SHQ1: variants seen among roughly 807,000 people sequenced by gnomAD.
SHQ1 encodes the protein protein SHQ1 homolog.
Under a neutral mutation model 53.8 loss-of-function variants are expected in SHQ1, and 49 were observed. That is an observed-to-expected ratio of 0.91 (90% CI 0.72 to 1.16). SHQ1 has a LOEUF of 1.16. Among genes scored for constraint, SHQ1 ranks in the 50% most tolerant of loss-of-function variants. The pLI is 0.00. For synonymous variants in SHQ1, 243 were observed against 251.0 expected (o/e 0.97, Z 0.30); for missense variants, 738 against 683.1 (o/e 1.08, Z -0.90).
intron 9 of SHQ1, among the ~76,000 whole-genome samples, chr3:72,811,453 A>C (rs1021991681): frequency 2.6e-5 from 4 of 152,248 alleles, no homozygotes; most frequent in African/African-American, 9.6e-5. Context: ...GAAATAACAC[A>C]TGAAAAAACA....
At chr3:72,758,337 C>G (rs907778607) in intron 10 of SHQ1, among the ~76,000 whole-genome samples, 2 of 152,152 alleles carry the variant, frequency 1.3e-5, no homozygotes, top group Admixed American at 6.5e-5. Flanking sequence ...TAAACCATAT[C>G]TAGTTTGGGC....
chr3:72,737,655 T>C, the SHQ1 span, among the ~76,000 whole-genome samples: 9 of 152,328 alleles, frequency 5.9e-5, no homozygotes, highest in African/African-American at 2.2e-4. Flanking sequence ...TTACTTATAA[T>C]ACCTAATACA....
At chr3:72,829,663 G>A (rs1707768854) in intron 5 of SHQ1, among the ~76,000 whole-genome samples, 2 of 152,086 alleles carry the variant, frequency 1.3e-5, no homozygotes, top group Non-Finnish European at 2.9e-5. Flanking sequence ...ATAAACCCAA[G>A]AACTTAATTA....
At chr3:72,729,914 G>A in the SHQ1 span, among the ~76,000 whole-genome samples, 2 of 152,170 alleles carry the variant, frequency 1.3e-5, no homozygotes, top group South Asian at 4.1e-4. Context: ...GCCCCCCGGG[G>A]TTCACGCCAT....
chr3:72,762,611 C>A (rs189501391), intron 10 of SHQ1, among the ~76,000 whole-genome samples: 9 of 152,334 alleles, frequency 5.9e-5, no homozygotes, highest in African/African-American at 2.2e-4. Flanking sequence ...TCCATACGGG[C>A]TGCTGGTGAA....
intron 10 of SHQ1, among the ~76,000 whole-genome samples, chr3:72,787,901 A>G (rs1706289978): frequency 6.6e-6 from 1 of 152,186 alleles, no homozygotes; most frequent in South Asian, 2.1e-4. Context: ...TTTTTGGTGC[A>G]GACGGGGTTT....
intron 1 of SHQ1, among the ~76,000 whole-genome samples, chr3:72,845,187 AGAAAT>A (rs1275370214): frequency 6.6e-6 from 1 of 152,202 alleles, no homozygotes; most frequent in Non-Finnish European, 1.5e-5. Flanking sequence ...TTGTACTAAA[AGAAAT>A]GAAGTGATTG....
chr3:72,752,383 C>T (rs1002985831), intron 10 of SHQ1, among the ~76,000 whole-genome samples: 4 of 152,066 alleles, frequency 2.6e-5, no homozygotes, highest in East Asian at 1.9e-4. Context: ...AGGATGATGG[C>T]GTGACGGAGC....
chr3:72,751,535 T>TATATATATATATATATATATATATAC (rs1444853961), intron 10 of SHQ1, among the ~76,000 whole-genome samples: 7 of 139,916 alleles, frequency 5.0e-5, no homozygotes, highest in African/African-American at 2.1e-4. Context: ...TATATACATA[T>TATATATATATATATATATATATATAC]ACATACACTA....
At chr3:72,846,298 CTTTTTTTTT>C in intron 1 of SHQ1, 1 of 1,423,734 alleles carries the variant, frequency 7.0e-7, no homozygotes, top group South Asian at 1.4e-5. Context: ...ACTGTATGTT[CTTTTTTTTT>C]TTTTTTTTAG....
chr3:72,816,161 T>A (rs993488407), intron 7 of SHQ1, among the ~76,000 whole-genome samples: 1 of 152,020 alleles, frequency 6.6e-6, no homozygotes, highest in African/African-American at 2.4e-5. Flanking sequence ...ACAAAAAAAA[T>A]TGGTACATAG....
rs781338053 is a variant in SHQ1, at chr3:72,841,212, A to C, written c.332-13T>G. On this transcript the variant is annotated splice_polypyrimidine_tract_variant and intron_variant, in intron 3 of 10. Transcript: ENST00000325599. ...ATCTCAGAAGCACCTGAATGTGTTAAATTTTAATTTTTTTTAAGTATTGGA... is the reference window on the plus strand; with the variant it reads ...ATCTCAGAAGCACCTGAATGTGTTACATTTTAATTTTTTTTAAGTATTGGA... 4 of 1,593,932 alleles carry C rather than the reference A, an allele frequency of 2.5e-6. No individual in the cohort carries two copies. Among genetic ancestry groups the C allele is most frequent in the Non-Finnish European group, 3.4e-6 (4 of 1,173,510 alleles).
At chr3:72,803,160 C>T (rs895417866) in intron 9 of SHQ1, among the ~76,000 whole-genome samples, 1 of 152,218 alleles carries the variant, frequency 6.6e-6, no homozygotes, top group Non-Finnish European at 1.5e-5. Context: ...CCTGGGCTCT[C>T]AGACATGCTA....
intron 10 of SHQ1, among the ~76,000 whole-genome samples, chr3:72,757,099 A>G (rs1705512936): frequency 6.6e-6 from 1 of 152,210 alleles, no homozygotes; most frequent in African/African-American, 2.4e-5. Flanking sequence ...CAAACTATCA[A>G]TCAACTTTTC....
intron 9 of SHQ1, among the ~76,000 whole-genome samples, chr3:72,797,928 TC>T (rs1197104721): frequency 6.6e-6 from 1 of 152,158 alleles, no homozygotes; most frequent in Non-Finnish European, 1.5e-5. Flanking sequence ...GACTGCTCTT[TC>T]TATCAGACCC....
intron 10 of SHQ1, among the ~76,000 whole-genome samples, chr3:72,781,407 T>C (rs1216851971): frequency 2.0e-5 from 3 of 152,186 alleles, no homozygotes; most frequent in African/African-American, 4.8e-5. Flanking sequence ...ACGGCCCTTA[T>C]ACCCTACATG....
chr3:72,828,331 C>T (rs1707724842), intron 5 of SHQ1, among the ~76,000 whole-genome samples: 2 of 152,178 alleles, frequency 1.3e-5, no homozygotes, highest in South Asian at 4.1e-4. Flanking sequence ...GATAAGCAAC[C>T]ACTATTCAGG....
chr3:72,835,244 G>A (rs1707954510), intron 4 of SHQ1, among the ~76,000 whole-genome samples: 2 of 150,954 alleles, frequency 1.3e-5, no homozygotes, highest in Admixed American at 1.3e-4. Flanking sequence ...ACATTTTTTT[G>A]GGGAAGGGGA....
chr3:72,810,316 G>C (rs1344252110), intron 9 of SHQ1, among the ~76,000 whole-genome samples: 2 of 152,154 alleles, frequency 1.3e-5, no homozygotes, highest in African/African-American at 4.8e-5. Context: ...GGAGGGGAGG[G>C]AATGAGAAGA....
Sources: allele counts gnomAD v4.1 joint callset (sites outside exome capture counted in the v4.1 genomes callset), GRCh38; gene constraint gnomAD v4.1.1; transcripts MANE v1.5; gene names NCBI Gene and HGNC (gene_info 2026-07-23, HGNC 2026-07-21).